Variants in MKX observed in about 807,000 individuals in gnomAD.
The protein encoded by MKX is homeobox protein Mohawk.
In MKX, 13 loss-of-function variants were observed where a neutral mutation model predicts 36.0. The observed-to-expected ratio is 0.36, with a 90% CI of 0.24 to 0.57. The LOEUF (loss-of-function observed/expected upper bound fraction) is 0.57, where lower values mean the gene tolerates loss of function less well. MKX is among the 20% of genes least tolerant of loss of function. MKX has a pLI of 0.79. For missense variants in MKX, 458 were observed against 456.4 expected (o/e 1.00, Z -0.03); for synonymous variants, 176 against 178.3 (o/e 0.99, Z 0.10).
At chr10:27,701,306 A>G (rs10829310) in intron 5 of MKX, among the ~76,000 whole-genome samples, 1 of 20,832 alleles carries the variant, frequency 4.8e-5, no homozygotes, top group Non-Finnish European at 1.3e-4. Flanking sequence ...CACGGCACGC[A>G]GCGCATTCTC....
chr10:27,726,192 G>A (rs1315984044), intron 5 of MKX, among the ~76,000 whole-genome samples: 2 of 152,102 alleles, frequency 1.3e-5, no homozygotes, highest in African/African-American at 4.8e-5. Flanking sequence ...ACTTAACGTT[G>A]GTAAACTTGT....
At chr10:27,723,341 C>A (rs1377860111) in intron 5 of MKX, among the ~76,000 whole-genome samples, 1 of 152,146 alleles carries the variant, frequency 6.6e-6, no homozygotes, top group Non-Finnish European at 1.5e-5. Flanking sequence ...ACCAGTTGCA[C>A]TAGTGACAAG....
intron 5 of MKX, among the ~76,000 whole-genome samples, chr10:27,701,420 A>G (rs11015956): frequency 0.11 from 16,174 of 146,634 alleles, 996 homozygotes; most frequent in East Asian, 0.29. Context: ...AGGTTTTACT[A>G]TAGATAATAT....
rs568033462 is a variant in MKX, at chr10:27,674,981, C to G, written c.*248G>C. 1.1e-5 allele frequency: 4 copies of G among 347,980 alleles called. No homozygotes were observed. The highest frequency in any genetic ancestry group is 2.1e-5 in the Non-Finnish European group (4 of 191,088). The allele number at this position is 347,980 out of a possible 1,614,324, so 21.6% of individuals were successfully genotyped here. On this transcript the variant is annotated 3_prime_UTR_variant, in exon 7 of 7. Transcript: ENST00000419761. ...TTATTGTCGGGAAGCAAGGCACTTA[C>G]TGTAATGGTAATGCAGATGTTTTAT...
At chr10:27,707,517 T>C (rs1836778293) in intron 5 of MKX, among the ~76,000 whole-genome samples, 1 of 152,002 alleles carries the variant, frequency 6.6e-6, no homozygotes, top group Non-Finnish European at 1.5e-5. Flanking sequence ...AAGGTCGTGG[T>C]CCTGGGTAAT....
At chr10:27,697,022 T>C (rs11015953) in intron 5 of MKX, among the ~76,000 whole-genome samples, 15,064 of 152,222 alleles carry the variant, frequency 0.099, 1,879 homozygotes, top group African/African-American at 0.27. Flanking sequence ...ACTTAAATTG[T>C]ATCACTGCTT....
At chr10:27,737,039 C>G (rs1365227433) in intron 3 of MKX, among the ~76,000 whole-genome samples, 1 of 152,056 alleles carries the variant, frequency 6.6e-6, no homozygotes, top group African/African-American at 2.4e-5. Flanking sequence ...GGTGTTAAGT[C>G]CTAGGAATGA....
chr10:27,687,845 A>G (rs1356290096), intron 5 of MKX, among the ~76,000 whole-genome samples: 1 of 152,208 alleles, frequency 6.6e-6, no homozygotes, highest in African/African-American at 2.4e-5. Flanking sequence ...GGGATGAGAA[A>G]GAGGGTCTGG....
At chr10:27,740,136 G>A (rs948622469) in intron 3 of MKX, among the ~76,000 whole-genome samples, 3 of 152,160 alleles carry the variant, frequency 2.0e-5, no homozygotes, top group Non-Finnish European at 4.4e-5. Flanking sequence ...AGTATTGATA[G>A]CCTGACAATA....
chr10:27,721,031 G>A (rs111514333), intron 5 of MKX, among the ~76,000 whole-genome samples: 3 of 152,156 alleles, frequency 2.0e-5, no homozygotes, highest in South Asian at 2.1e-4. Context: ...CCAACCCTAC[G>A]TAAGGAAAAC....
At chr10:27,712,669 C>G (rs1003998036) in intron 5 of MKX, among the ~76,000 whole-genome samples, 1 of 152,104 alleles carries the variant, frequency 6.6e-6, no homozygotes, top group African/African-American at 2.4e-5. Context: ...ACTGCTGTGC[C>G]CAGGCACAGT....
At chr10:27,729,527 G>A (rs1482892617) in intron 5 of MKX, among the ~76,000 whole-genome samples, 2 of 151,694 alleles carry the variant, frequency 1.3e-5, no homozygotes, top group Non-Finnish European at 1.5e-5. Flanking sequence ...GACTGGTCTC[G>A]AACTCCTGAC....
chr10:27,696,451 G>A (rs1319286933), intron 5 of MKX, among the ~76,000 whole-genome samples: 1 of 152,114 alleles, frequency 6.6e-6, no homozygotes, highest in Non-Finnish European at 1.5e-5. Context: ...AACAAGTAAT[G>A]CAACAATCCA....
At chr10:27,710,587 T>C (rs764192284) in intron 5 of MKX, among the ~76,000 whole-genome samples, 8 of 152,196 alleles carry the variant, frequency 5.3e-5, no homozygotes, top group Non-Finnish European at 8.8e-5. Context: ...AACTGCAGAA[T>C]TGGCAATGGG....
intron 5 of MKX, among the ~76,000 whole-genome samples, chr10:27,729,456 C>T (rs1168087735): frequency 6.6e-6 from 1 of 152,056 alleles, no homozygotes; most frequent in Non-Finnish European, 1.5e-5. Flanking sequence ...AGGCGCGCTC[C>T]ACCATGCCTA....
At chr10:27,699,626 A>G (rs1331730217) in intron 5 of MKX, among the ~76,000 whole-genome samples, 6 of 152,304 alleles carry the variant, frequency 3.9e-5, no homozygotes, top group Non-Finnish European at 7.4e-5. Context: ...ATAAACAACA[A>G]CAAAAAAGGC....
At chr10:27,702,358 G>C (rs1836673656) in intron 5 of MKX, among the ~76,000 whole-genome samples, 1 of 152,218 alleles carries the variant, frequency 6.6e-6, no homozygotes. Flanking sequence ...CTAGATGCCT[G>C]CATGGGAGGT....
In MKX at chr10:27,673,343, T is replaced by C. The variant is rs1333329346; in HGVS notation, c.*1886A>G. On this transcript the variant is annotated 3_prime_UTR_variant, in exon 7 of 7. Coordinates refer to ENST00000419761, the MANE Select transcript of MKX (RefSeq NM_173576.3). ...CAAATAAAATACAACCAGCATTCAT[T>C]CATTTAACTGAAATATGTCAAAACA... The C allele has an allele frequency of 6.6e-6, 1 of 152,624 alleles. No individual in the cohort carries two copies. The highest frequency in any genetic ancestry group is 2.4e-5 in the African/African-American group (1 of 41,442). 9.5% of individuals were successfully genotyped at this position (152,624 alleles called of 1,614,324 possible). A position where few individuals can be genotyped will look rare whatever the true frequency, so the allele number is the denominator to read the frequency against.
intron 5 of MKX, among the ~76,000 whole-genome samples, chr10:27,677,207 C>T (rs1358425668): frequency 6.6e-6 from 1 of 152,152 alleles, no homozygotes; most frequent in Non-Finnish European, 1.5e-5. Flanking sequence ...CACTGTGCTG[C>T]ACACAGGAAA....
Sources: allele counts gnomAD v4.1 joint callset (sites outside exome capture counted in the v4.1 genomes callset), GRCh38; gene constraint gnomAD v4.1.1; transcripts MANE v1.5; gene names NCBI Gene and HGNC (gene_info 2026-07-23, HGNC 2026-07-21).